Variants in CTNNA3 observed in about 807,000 individuals in gnomAD.
CTNNA3 encodes catenin alpha-3.
In CTNNA3, 76 loss-of-function variants were observed where a neutral mutation model predicts 95.7. That is an observed-to-expected ratio of 0.79 (90% CI 0.66 to 0.96). The LOEUF is 0.96. Ranked by LOEUF, CTNNA3 falls within the 40% of genes least tolerant of loss-of-function variation. CTNNA3 has a pLI of 0.00. For missense variants in CTNNA3, 1,191 were observed against 1,089.8 expected (o/e 1.09, Z -1.31); for synonymous variants, 431 against 374.4 (o/e 1.15, Z -1.74).
At chr10:67,297,876 T>C (rs1840110531) in intron 5 of CTNNA3, among the ~76,000 whole-genome samples, 1 of 152,246 alleles carries the variant, frequency 6.6e-6, no homozygotes, top group Non-Finnish European at 1.5e-5. Flanking sequence ...GCTTTTTAAA[T>C]GGAAAATAGT....
Position 67,757,513 on chromosome 10 carries a change from C to T in CTNNA3, c.-2+5921G>A, listed in dbSNP as rs12572665. 0.042 allele frequency among the ~76,000 whole-genome samples: 6,460 copies of T among 152,204 alleles called. 618 individuals are homozygous for T. The East Asian group carries it at 0.43, about 10-fold the overall frequency. Reference sequence around the variant, plus strand: ...GGCACCATCTAATCAGCTGCTAATGCGGCTAGAATAAAGCAGGCAGAAGTT... The same window carrying T: ...GGCACCATCTAATCAGCTGCTAATGTGGCTAGAATAAAGCAGGCAGAAGTT... On this transcript the variant is annotated intron_variant, in intron 1 of 17. Transcript: ENST00000684154.
intron 1 of CTNNA3, among the ~76,000 whole-genome samples, chr10:67,687,865 A>G (rs570848342): frequency 6.6e-6 from 1 of 152,256 alleles, no homozygotes; most frequent in South Asian, 2.1e-4. Context: ...TCTAAAACAC[A>G]GGTCAACAGA....
intron 5 of CTNNA3, among the ~76,000 whole-genome samples, chr10:67,306,180 C>T (rs1285562802): frequency 6.6e-6 from 1 of 152,006 alleles, no homozygotes; most frequent in South Asian, 2.1e-4. Context: ...AATTATAGAG[C>T]CCAGGGAAAG....
intron 7 of CTNNA3, among the ~76,000 whole-genome samples, chr10:67,021,323 T>G (rs1340392267): frequency 6.6e-6 from 1 of 152,072 alleles, no homozygotes; most frequent in Non-Finnish European, 1.5e-5. Context: ...AATTGTGAGG[T>G]TAAAATGTAA....
intron 1 of CTNNA3, among the ~76,000 whole-genome samples, chr10:67,669,088 T>A (rs141855472): frequency 4.0e-4 from 61 of 152,244 alleles, no homozygotes; most frequent in Non-Finnish European, 5.4e-4. Flanking sequence ...TCTGCCCGCC[T>A]CGGCCTCCCA....
chr10:66,517,447 A>G (rs542139914), intron 11 of CTNNA3, among the ~76,000 whole-genome samples: 1 of 152,186 alleles, frequency 6.6e-6, no homozygotes, highest in South Asian at 2.1e-4. Context: ...GAAGCCGGCT[A>G]AATCCTACCA....
At chr10:66,959,726 G>A (rs933994985) in intron 7 of CTNNA3, among the ~76,000 whole-genome samples, 41 of 152,092 alleles carry the variant, frequency 2.7e-4, no homozygotes, top group African/African-American at 9.2e-4. Context: ...TCTTAAGCTC[G>A]TCCTAATTTC....
chr10:67,166,371 T>A (rs1438901573), intron 7 of CTNNA3, among the ~76,000 whole-genome samples: 1 of 152,198 alleles, frequency 6.6e-6, no homozygotes, highest in Non-Finnish European at 1.5e-5. Context: ...TTGGTTTTTT[T>A]TCACACTGGA....
At chr10:67,152,099 A>C (rs1271041264) in intron 7 of CTNNA3, among the ~76,000 whole-genome samples, 2 of 152,176 alleles carry the variant, frequency 1.3e-5, no homozygotes, top group African/African-American at 4.8e-5. Flanking sequence ...GAACCTTTTG[A>C]AAAGTGAAAT....
At chr10:66,039,298 A>G (rs2133485852) in intron 15 of CTNNA3, among the ~76,000 whole-genome samples, 1 of 152,368 alleles carries the variant, frequency 6.6e-6, no homozygotes, top group African/African-American at 2.4e-5. Flanking sequence ...ATATTGTTAA[A>G]GTAGCCATAC....
At chr10:65,958,798 C>A (rs971351005) in intron 17 of CTNNA3, among the ~76,000 whole-genome samples, 31 of 152,194 alleles carry the variant, frequency 2.0e-4, no homozygotes, top group Non-Finnish European at 4.1e-4. Context: ...TGTCAGTCAG[C>A]CCCTACTGGG....
intron 1 of CTNNA3, among the ~76,000 whole-genome samples, chr10:67,660,925 C>T (rs1203219694): frequency 7.6e-5 from 10 of 130,886 alleles, no homozygotes; most frequent in Non-Finnish European, 1.1e-4. Context: ...AGCAAGACTC[C>T]GTCTCAAAAA....
At chr10:67,371,247 T>C (rs1281892693) in intron 5 of CTNNA3, among the ~76,000 whole-genome samples, 2 of 151,946 alleles carry the variant, frequency 1.3e-5, no homozygotes, top group African/African-American at 4.8e-5. Flanking sequence ...TTTTCTATTA[T>C]ACTTTAAGTT....
Position 66,056,833 on chromosome 10 carries a change from A to T in CTNNA3, c.2159+12475T>A, listed in dbSNP as rs2080097758. On this transcript the variant is annotated intron_variant, in intron 15 of 17. Coordinates refer to ENST00000433211, the MANE Select transcript of CTNNA3 (RefSeq NM_013266.4). ...AGAGAGATTAAATGTATAAATGAAC[A>T]ATGGCCAGAATTTATATGACAGTAG... 2.0e-5 allele frequency among the ~76,000 whole-genome samples: 3 copies of T among 152,172 alleles called. No individual in the cohort carries two copies. The South Asian group carries it at 6.2e-4, about 32-fold the overall frequency.
chr10:66,684,882 T>A (rs572425797), intron 9 of CTNNA3, among the ~76,000 whole-genome samples: 83 of 149,752 alleles, frequency 5.5e-4, no homozygotes, highest in Non-Finnish European at 1.0e-3. Flanking sequence ...TTATTAGTAA[T>A]TATGTAGGAA....
In CTNNA3 at chr10:67,465,412, G is replaced by A. The variant is rs1214685178; in HGVS notation, c.579+56430C>T. 3.3e-5 allele frequency among the ~76,000 whole-genome samples: 5 copies of A among 152,026 alleles called. No individual in the cohort carries two copies. The South Asian group carries it at 6.2e-4, about 19-fold the overall frequency. On this transcript the variant is annotated intron_variant, in intron 5 of 17. Transcript: ENST00000433211. ...AGTTTGTATATTCTAGATTATAGACGAGGAAAGGAAAGGAAAAGAGAGGAA... is the reference window on the plus strand; with the variant it reads ...AGTTTGTATATTCTAGATTATAGACAAGGAAAGGAAAGGAAAAGAGAGGAA...
At chr10:66,041,441 CT>C in intron 15 of CTNNA3, among the ~76,000 whole-genome samples, 1 of 152,276 alleles carries the variant, frequency 6.6e-6, no homozygotes, top group Middle Eastern at 3.4e-3. Context: ...GATCACTGTA[CT>C]ATGGTTATGT....
intron 5 of CTNNA3, among the ~76,000 whole-genome samples, chr10:67,440,506 T>C (rs887726003): frequency 1.3e-5 from 2 of 152,010 alleles, no homozygotes; most frequent in African/African-American, 4.8e-5. Flanking sequence ...AGCCAGTTAG[T>C]GGTTACAGTA....
intron 10 of CTNNA3, among the ~76,000 whole-genome samples, chr10:66,534,011 A>G (rs1213278233): frequency 6.6e-6 from 1 of 152,270 alleles, no homozygotes; most frequent in African/African-American, 2.4e-5. Flanking sequence ...TCAACAGCAA[A>G]GTGTTCATCA....
Sources: allele counts gnomAD v4.1 joint callset (sites outside exome capture counted in the v4.1 genomes callset), GRCh38; gene constraint gnomAD v4.1.1; transcripts MANE v1.5; gene names NCBI Gene and HGNC (gene_info 2026-07-23, HGNC 2026-07-21).